Variants in TENM3 observed in about 807,000 individuals in gnomAD.
TENM3 encodes the protein teneurin-3.
In TENM3, 63 loss-of-function variants were observed where a neutral mutation model predicts 255.1. That is an observed-to-expected ratio of 0.25 (90% CI 0.20 to 0.30). The LOEUF is 0.30. Ranked by LOEUF, TENM3 falls within the 10% of genes least tolerant of loss-of-function variation. The pLI is 1.00. For synonymous variants in TENM3, 1,306 were observed against 1,322.3 expected, an observed-to-expected ratio of 0.99 and a Z score of 0.27; for missense variants, 2,929 against 3,461.1, an observed-to-expected ratio of 0.85 and a Z score of 3.86.
the TENM3 span, among the ~76,000 whole-genome samples, chr4:181,856,036 A>AGAAGGAAG: frequency 2.2e-5 from 1 of 46,436 alleles, no homozygotes; most frequent in Non-Finnish European, 5.8e-5. Flanking sequence ...AAGGAAAGGA[A>AGAAGGAAG]GAAGGAAGGA....
intron 3 of TENM3, among the ~76,000 whole-genome samples, chr4:182,468,020 G>A (rs34384764): frequency 6.6e-6 from 1 of 152,186 alleles, no homozygotes; most frequent in Non-Finnish European, 1.5e-5. Context: ...AATGGGTGAT[G>A]ATCTTACCTA....
intron 12 of TENM3, 90 bp from the exon 13 acceptor site, chr4:182,713,997 C>T (rs974740123): frequency 2.9e-6 from 3 of 1,040,184 alleles, no homozygotes; most frequent in Non-Finnish European, 4.4e-6. Flanking sequence ...TTATAAAGGC[C>T]TGTTCCCACT....
the TENM3 span, among the ~76,000 whole-genome samples, chr4:181,635,701 A>G: frequency 1.3e-5 from 2 of 152,208 alleles, no homozygotes; most frequent in African/African-American, 4.8e-5. Context: ...CTTTCAACCT[A>G]GGGTGATGCT....
chr4:181,631,742 A>G, the TENM3 span, among the ~76,000 whole-genome samples: 1 of 152,202 alleles, frequency 6.6e-6, no homozygotes, highest in African/African-American at 2.4e-5. Context: ...TAATCATCAT[A>G]TTCAGAGTCC....
the TENM3 span, among the ~76,000 whole-genome samples, chr4:181,691,778 C>T: frequency 4.9e-4 from 75 of 152,262 alleles, no homozygotes; most frequent in African/African-American, 1.7e-3. Context: ...AATTCACAGT[C>T]ACTTTAAAGT....
the TENM3 span, among the ~76,000 whole-genome samples, chr4:181,678,790 A>G: frequency 6.6e-6 from 1 of 151,116 alleles, no homozygotes; most frequent in Non-Finnish European, 1.5e-5. Context: ...ATCTATCTAT[A>G]TCATCTCTCT....
intron 3 of TENM3, among the ~76,000 whole-genome samples, chr4:182,487,375 G>A (rs540303270): frequency 4.6e-5 from 7 of 152,018 alleles, no homozygotes; most frequent in East Asian, 1.9e-4. Flanking sequence ...TTTAACTATC[G>A]CATATCAAGG....
chr4:182,636,966 A>C (rs1751899760), intron 5 of TENM3, among the ~76,000 whole-genome samples: 1 of 152,216 alleles, frequency 6.6e-6, no homozygotes, highest in Non-Finnish European at 1.5e-5. Context: ...ACAAGTGGAA[A>C]GCTTAATGCA....
the TENM3 span, among the ~76,000 whole-genome samples, chr4:181,800,678 G>T: frequency 6.6e-6 from 1 of 152,138 alleles, no homozygotes; most frequent in Non-Finnish European, 1.5e-5. Context: ...CAGGTGACTT[G>T]CTCCTGGTTG....
At chr4:182,488,800 A>G (rs1734998701) in intron 3 of TENM3, among the ~76,000 whole-genome samples, 1 of 152,176 alleles carries the variant, frequency 6.6e-6, no homozygotes, top group Non-Finnish European at 1.5e-5. Context: ...AATGTAATTT[A>G]CGTGTGTTTA....
At chr4:181,592,660 C>CT in the TENM3 span, among the ~76,000 whole-genome samples, 2 of 101,080 alleles carry the variant, frequency 2.0e-5, no homozygotes, top group Non-Finnish European at 4.7e-5. Flanking sequence ...CTGAAAATCT[C>CT]TCTTTTTTTT....
chr4:182,232,839 T>C (rs764316848), intron 1 of TENM3, among the ~76,000 whole-genome samples: 12 of 152,158 alleles, frequency 7.9e-5, no homozygotes, highest in Non-Finnish European at 1.6e-4. Flanking sequence ...GGGTAGCTTA[T>C]ATGGCATGGA....
chr4:181,834,577 C>G, the TENM3 span, among the ~76,000 whole-genome samples: 3 of 152,208 alleles, frequency 2.0e-5, no homozygotes, highest in Non-Finnish European at 1.5e-5. Context: ...AGGACAAACT[C>G]AAGTTCCTGC....
At chr4:181,833,240 C>G in the TENM3 span, among the ~76,000 whole-genome samples, 1 of 152,008 alleles carries the variant, frequency 6.6e-6, no homozygotes, top group African/African-American at 2.4e-5. Flanking sequence ...CTCTCCTGAT[C>G]CTCAAATCTC....
At chr4:181,841,411 C>T in the TENM3 span, among the ~76,000 whole-genome samples, 2 of 152,164 alleles carry the variant, frequency 1.3e-5, no homozygotes, top group South Asian at 4.1e-4. Context: ...GGTCCCTCCT[C>T]AGGCCTGCTG....
intron 1 of TENM3, among the ~76,000 whole-genome samples, chr4:182,265,599 G>T (rs78313059): frequency 3.3e-5 from 5 of 152,274 alleles, no homozygotes; most frequent in Non-Finnish European, 7.4e-5. Context: ...CCCTAGAAAT[G>T]CATGCTGGCC....
chr4:182,349,665 C>T (rs967878494), intron 3 of TENM3, among the ~76,000 whole-genome samples: 1 of 152,050 alleles, frequency 6.6e-6, no homozygotes, highest in South Asian at 2.1e-4. Context: ...ACATTTTTAC[C>T]TATATTACTA....
the TENM3 span, among the ~76,000 whole-genome samples, chr4:181,897,614 C>G: frequency 6.6e-6 from 1 of 152,110 alleles, no homozygotes; most frequent in East Asian, 1.9e-4. Context: ...GATTTTGATA[C>G]AAAAAGCTTA....
intron 3 of TENM3, among the ~76,000 whole-genome samples, chr4:182,563,425 C>T (rs1246744136): frequency 6.6e-6 from 1 of 151,924 alleles, no homozygotes; most frequent in Non-Finnish European, 1.5e-5. Context: ...CAGAGCAAGA[C>T]TCCATCTCAA....
Sources: gnomAD v4.1 joint callset for allele counts (sites outside exome capture counted in the v4.1 genomes callset) on GRCh38, gnomAD v4.1.1 for gene constraint, MANE v1.5 for transcripts, NCBI Gene and HGNC (gene_info 2026-07-23, HGNC 2026-07-21) for gene names.